Variants in CDK6 observed in about 807,000 individuals in gnomAD.
The protein encoded by CDK6 is cyclin dependent kinase 6, also known as cyclin-dependent kinase 6.
In CDK6, 6 loss-of-function variants were observed where a neutral mutation model predicts 37.1. That is an observed-to-expected ratio of 0.16 (90% CI 0.09 to 0.32). The LOEUF is 0.32. Among genes scored for constraint, CDK6 ranks in the 10% least tolerant of loss-of-function variants. CDK6 has a pLI of 1.00. For synonymous variants in CDK6, 160 were observed against 161.3 expected (o/e 0.99, Z 0.06); for missense variants, 224 against 418.9 (o/e 0.53, Z 4.06).
chr7:92,687,424 T>G (rs1041125660), intron 4 of CDK6, among the ~76,000 whole-genome samples: 2 of 152,180 alleles, frequency 1.3e-5, no homozygotes, highest in African/African-American at 4.8e-5. Flanking sequence ...GATAAAGAAG[T>G]TCTTCCAAAT....
At chr7:92,724,500 C>T (rs1798463071) in intron 4 of CDK6, among the ~76,000 whole-genome samples, 12 of 152,046 alleles carry the variant, frequency 7.9e-5, no homozygotes, top group Admixed American at 7.9e-4. Flanking sequence ...GGGTGGGGAA[C>T]ACTTTTATAA....
intron 2 of CDK6, among the ~76,000 whole-genome samples, chr7:92,815,744 A>G (rs761660047): frequency 5.9e-5 from 9 of 152,196 alleles, no homozygotes; most frequent in Non-Finnish European, 8.8e-5. Flanking sequence ...ACAATACTGA[A>G]GAAGAGCTCC....
chr7:92,817,137 T>C (rs905871148), intron 2 of CDK6, among the ~76,000 whole-genome samples: 2 of 151,966 alleles, frequency 1.3e-5, no homozygotes, highest in African/African-American at 4.8e-5. Context: ...ATGCCAATCC[T>C]ACACAAAATC....
At chr7:92,821,276 A>G (rs943082132) in intron 2 of CDK6, among the ~76,000 whole-genome samples, 5 of 152,096 alleles carry the variant, frequency 3.3e-5, no homozygotes, top group Non-Finnish European at 7.4e-5. Context: ...ATGAACCACC[A>G]GGCTTGAAAG....
intron 2 of CDK6, among the ~76,000 whole-genome samples, chr7:92,815,208 C>T (rs1258525120): frequency 6.6e-6 from 1 of 152,128 alleles, no homozygotes; most frequent in Non-Finnish European, 1.5e-5. Context: ...TAAACCATTT[C>T]TTATTGTGAC....
chr7:92,782,157 T>C (rs1025978537), intron 2 of CDK6, among the ~76,000 whole-genome samples: 2 of 152,220 alleles, frequency 1.3e-5, no homozygotes, highest in African/African-American at 4.8e-5. Context: ...ATATTGTTTT[T>C]AAAAGCTTTA....
intron 2 of CDK6, among the ~76,000 whole-genome samples, chr7:92,805,325 T>G (rs1367729193): frequency 2.6e-5 from 4 of 152,134 alleles, no homozygotes; most frequent in African/African-American, 9.7e-5. Context: ...GTGAGGTAAT[T>G]ATATGTAAGG....
At chr7:92,780,419 C>T (rs145412963) in intron 2 of CDK6, among the ~76,000 whole-genome samples, 2 of 152,260 alleles carry the variant, frequency 1.3e-5, no homozygotes, top group Non-Finnish European at 2.9e-5. Flanking sequence ...AGAACCCTTA[C>T]ACTTGCAAAA....
At chr7:92,792,822 T>C (rs1422601694) in intron 2 of CDK6, among the ~76,000 whole-genome samples, 2 of 152,000 alleles carry the variant, frequency 1.3e-5, no homozygotes, top group East Asian at 1.9e-4. Context: ...AAACATATAC[T>C]TCTCAGAGCT....
intron 3 of CDK6, among the ~76,000 whole-genome samples, chr7:92,756,380 T>C (rs377076500): frequency 9.9e-5 from 15 of 152,154 alleles, no homozygotes; most frequent in East Asian, 9.6e-4. Flanking sequence ...TAGTGAAATT[T>C]TGCTGCTCTG....
rs556937062 is a variant in CDK6, at chr7:92,805,729, C to T, written c.233+27362G>A. 7.9e-4 allele frequency among the ~76,000 whole-genome samples: 121 copies of T among 152,276 alleles called. 1 individual carries two copies. The highest frequency in any genetic ancestry group is 2.6e-3 in the African/African-American group (107 of 41,552). On this transcript the variant is annotated intron_variant, in intron 2 of 7. Transcript: ENST00000424848. Reference sequence around the variant, plus strand: ...GCTCCTGGTATCCAGAACCCCTGTTCCAGGAGACCAGAAGTGTAATGATTC... The same window carrying T: ...GCTCCTGGTATCCAGAACCCCTGTTTCAGGAGACCAGAAGTGTAATGATTC...
intron 5 of CDK6, among the ~76,000 whole-genome samples, chr7:92,626,617 C>T (rs1312248856): frequency 6.6e-6 from 1 of 151,962 alleles, no homozygotes; most frequent in African/African-American, 2.4e-5. Context: ...GGGATGGAAA[C>T]CAAGCCAAGG....
chr7:92,611,945 G>T lies in CDK6; in HGVS notation c.*3195C>A. 4.3e-6 allele frequency: 1 copy of T among 232,860 alleles called. No individual in the cohort carries two copies. The highest frequency in any genetic ancestry group is 8.5e-6 in the Non-Finnish European group (1 of 117,790). The allele number at this position is 232,860 out of a possible 1,614,324, so 14.4% of individuals were successfully genotyped here. A position where few individuals can be genotyped will look rare whatever the true frequency, so the allele number is the denominator to read the frequency against. On this transcript the variant is annotated 3_prime_UTR_variant, in exon 8 of 8. Transcript: ENST00000424848. ...AGCTTTCTTCCAAAACAGGTTCTTT[G>T]CACCTTGAGTTCCCATCCACTTCAA... is the stretch of plus-strand genomic sequence containing the variant.
chr7:92,766,273 A>C lies in CDK6; in HGVS notation c.369+8423T>G, dbSNP rs1346046675. 2.0e-5 allele frequency among the ~76,000 whole-genome samples: 3 copies of C among 152,208 alleles called. No homozygotes were observed. The East Asian group carries it at 5.8e-4, about 29-fold the overall frequency. On this transcript the variant is annotated intron_variant, in intron 3 of 7. Coordinates refer to ENST00000424848, the MANE Select transcript of CDK6 (RefSeq NM_001145306.2). ...GGTTGATGGGTTAAACTAGAACTATAGCAATGAAGATATTGAGAAGTAGTC... is the reference window on the plus strand; with the variant it reads ...GGTTGATGGGTTAAACTAGAACTATCGCAATGAAGATATTGAGAAGTAGTC...
chr7:92,648,614 A>G (rs1325916144), intron 5 of CDK6, among the ~76,000 whole-genome samples: 2 of 152,214 alleles, frequency 1.3e-5, no homozygotes, highest in African/African-American at 4.8e-5. Flanking sequence ...TGAAACTACA[A>G]ATTATTTTAT....
chr7:92,800,508 T>C (rs891701647), intron 2 of CDK6, among the ~76,000 whole-genome samples: 2 of 152,194 alleles, frequency 1.3e-5, no homozygotes, highest in Non-Finnish European at 2.9e-5. Flanking sequence ...CTTTATTCTT[T>C]GTATTACAGT....
chr7:92,788,742 A>T (rs1197119019), intron 2 of CDK6, among the ~76,000 whole-genome samples: 1 of 152,222 alleles, frequency 6.6e-6, no homozygotes, highest in Non-Finnish European at 1.5e-5. Context: ...CTCATCACAC[A>T]CAAGGGATCT....
At chr7:92,639,393 G>T (rs1485322083) in intron 5 of CDK6, among the ~76,000 whole-genome samples, 1 of 152,180 alleles carries the variant, frequency 6.6e-6, no homozygotes, top group Non-Finnish European at 1.5e-5. Context: ...AGTGGTCTGA[G>T]GAGCATGTTA....
At position 92,753,800 on chromosome 7, in the gene CDK6, T is replaced by C. The variant is rs151241073; in HGVS notation, c.369+20896A>G. On this transcript the variant is annotated intron_variant, in intron 3 of 7. Coordinates refer to ENST00000424848, the MANE Select transcript of CDK6 (RefSeq NM_001145306.2). Reference sequence around the variant, plus strand: ...CCTCAGATTTGTGGTTCATTCCTACTCCCTGCTTTCAATGAGGTAGGAGGA... The same window carrying C: ...CCTCAGATTTGTGGTTCATTCCTACCCCCTGCTTTCAATGAGGTAGGAGGA... Among the ~76,000 whole-genome samples, 28 of 152,316 alleles carry C rather than the reference T, an allele frequency of 1.8e-4. No homozygotes were observed. In the East Asian group the frequency reaches 5.4e-3, roughly 29 times the overall value.
Sources: allele counts gnomAD v4.1 joint callset (sites outside exome capture counted in the v4.1 genomes callset), GRCh38; gene constraint gnomAD v4.1.1; transcripts MANE v1.5; gene names NCBI Gene and HGNC (gene_info 2026-07-23, HGNC 2026-07-21).